USH2A: variants seen among roughly 807,000 people sequenced by gnomAD.
The protein encoded by USH2A is Usher syndrome 2A (autosomal recessive, mild).
A neutral mutation model predicts 538.9 loss-of-function variants in USH2A; 443 were observed. That is an observed-to-expected ratio of 0.82 (90% confidence interval 0.76 to 0.89). USH2A has a LOEUF of 0.89. Ranked by LOEUF, USH2A falls within the 40% of genes least tolerant of loss-of-function variation. USH2A has a pLI of 0.00. For missense variants in USH2A, 6,633 were observed against 6,324.8 expected, an observed-to-expected ratio of 1.05 and a Z score of -1.65; for synonymous variants, 2,413 against 2,273.5, an observed-to-expected ratio of 1.06 and a Z score of -1.75.
At chr1:215,923,123 TCTC>T (rs1480457401) in intron 38 of USH2A, among the ~76,000 whole-genome samples, 1 of 152,070 alleles carries the variant, frequency 6.6e-6, no homozygotes, top group Non-Finnish European at 1.5e-5. Flanking sequence ...TGATGAGACT[TCTC>T]TAAATGCTCT....
At chr1:216,343,707 A>G (rs115723305) in intron 4 of USH2A, among the ~76,000 whole-genome samples, 2,275 of 152,148 alleles carry the variant, frequency 0.015, 53 homozygotes, top group African/African-American at 0.052. Context: ...AAAATTATGC[A>G]TCATGGGGTC....
chr1:216,326,372 C>A (rs1436215757), intron 5 of USH2A, among the ~76,000 whole-genome samples: 1 of 152,134 alleles, frequency 6.6e-6, no homozygotes, highest in Admixed American at 6.6e-5. Flanking sequence ...TCTCAGACCC[C>A]AGTGGAGCAG....
At chr1:216,230,428 C>T (rs1394350033) in intron 14 of USH2A, among the ~76,000 whole-genome samples, 2 of 152,104 alleles carry the variant, frequency 1.3e-5, no homozygotes, top group Non-Finnish European at 2.9e-5. Flanking sequence ...ATCAAGGTAA[C>T]ATTTCTACGG....
chr1:216,404,912 C>T (rs1220209035), intron 3 of USH2A, among the ~76,000 whole-genome samples: 1 of 151,722 alleles, frequency 6.6e-6, no homozygotes, highest in African/African-American at 2.4e-5. Context: ...ACACACAGCA[C>T]CATGCCCAGC....
chr1:216,259,658 TA>T, intron 11 of USH2A, among the ~76,000 whole-genome samples: 1 of 152,142 alleles, frequency 6.6e-6, no homozygotes, highest in East Asian at 1.9e-4. Flanking sequence ...AAAATTATAA[TA>T]AATTTATTTT....
At chr1:216,097,468 T>C (rs962734037) in intron 21 of USH2A, among the ~76,000 whole-genome samples, 9 of 152,074 alleles carry the variant, frequency 5.9e-5, no homozygotes, top group Non-Finnish European at 8.8e-5. Flanking sequence ...GCAAAACTCA[T>C]CAACCCAAAA....
intron 4 of USH2A, among the ~76,000 whole-genome samples, chr1:216,332,114 C>T (rs2037877028): frequency 6.6e-6 from 1 of 152,090 alleles, no homozygotes; most frequent in Non-Finnish European, 1.5e-5. Flanking sequence ...TGAAAACCAG[C>T]AGCCTAGTTA....
chr1:215,746,304 T>G (rs184559896), intron 58 of USH2A, among the ~76,000 whole-genome samples: 269 of 152,262 alleles, frequency 1.8e-3, no homozygotes, highest in African/African-American at 6.3e-3. Flanking sequence ...GGTCTTGAGC[T>G]GCCTGGTTAG....
chr1:215,866,956 T>C (rs765559120), intron 44 of USH2A, 51 bp downstream of exon 44: 15 of 1,612,704 alleles, frequency 9.3e-6, no homozygotes, highest in Non-Finnish European at 1.2e-5. Flanking sequence ...AGAAAGAATA[T>C]GCTTTTAAAA....
intron 35 of USH2A, among the ~76,000 whole-genome samples, chr1:215,987,882 C>A (rs1667908868): frequency 2.0e-5 from 3 of 152,042 alleles, no homozygotes; most frequent in Non-Finnish European, 4.4e-5. Context: ...TATGAGCTCA[C>A]CCTTGTTTAA....
chr1:216,250,536 T>C (rs1325616586), intron 12 of USH2A, among the ~76,000 whole-genome samples: 7 of 152,160 alleles, frequency 4.6e-5, no homozygotes, highest in Non-Finnish European at 8.8e-5. Flanking sequence ...AAAACTAGCA[T>C]GGAAATGATT....
At chr1:215,910,751 A>T (rs571254532) in intron 38 of USH2A, among the ~76,000 whole-genome samples, 1 of 151,972 alleles carries the variant, frequency 6.6e-6, no homozygotes, top group South Asian at 2.1e-4. Context: ...TATCCCAAAA[A>T]ACTATGAACA....
At chr1:216,057,692 A>T (rs902682473) in intron 30 of USH2A, among the ~76,000 whole-genome samples, 28 of 148,378 alleles carry the variant, frequency 1.9e-4, no homozygotes, top group Non-Finnish European at 3.6e-4. Context: ...ATCTCAAATT[A>T]AAAAAAAAAG....
intron 15 of USH2A, among the ~76,000 whole-genome samples, chr1:216,209,079 G>A (rs754624346): frequency 7.9e-5 from 12 of 152,216 alleles, no homozygotes; most frequent in Non-Finnish European, 1.6e-4. Flanking sequence ...CCAGATGTCA[G>A]CCAAAGGCCA....
At chr1:215,971,926 G>A (rs908365230) in intron 35 of USH2A, among the ~76,000 whole-genome samples, 10 of 152,108 alleles carry the variant, frequency 6.6e-5, no homozygotes, top group South Asian at 2.1e-4. Context: ...TGAGAGCACC[G>A]TCATTTGTAC....
intron 21 of USH2A, among the ~76,000 whole-genome samples, chr1:216,105,079 T>A (rs2032698244): frequency 6.6e-6 from 1 of 152,162 alleles, no homozygotes; most frequent in African/African-American, 2.4e-5. Context: ...TCACTGGCCA[T>A]CAGAGAAATG....
intron 9 of USH2A, among the ~76,000 whole-genome samples, chr1:216,321,358 C>T (rs775300776): frequency 1.4e-4 from 21 of 152,070 alleles, no homozygotes; most frequent in South Asian, 2.1e-4. Flanking sequence ...TTCCCCTGAT[C>T]GTCACAGAAA....
chr1:215,911,699 A>G (rs117495529), intron 38 of USH2A, among the ~76,000 whole-genome samples: 1,838 of 152,138 alleles, frequency 0.012, 32 homozygotes, highest in East Asian at 0.064. Flanking sequence ...CAACATACTG[A>G]TTTCCTTTCT....
At chr1:216,155,411 G>A (rs1257844976) in intron 21 of USH2A, among the ~76,000 whole-genome samples, 1 of 152,060 alleles carries the variant, frequency 6.6e-6, no homozygotes, top group African/African-American at 2.4e-5. Context: ...CATCACTATT[G>A]TAAAACCCAA....
Sources: gnomAD v4.1 joint callset for allele counts (sites outside exome capture counted in the v4.1 genomes callset) on GRCh38, gnomAD v4.1.1 for gene constraint, MANE v1.5 for transcripts, NCBI Gene and HGNC (gene_info 2026-07-23, HGNC 2026-07-21) for gene names.